The following NCAPD3 variants were observed in gnomAD, a reference collection of about 807,000 sequenced individuals.
The protein encoded by NCAPD3 is condensin-2 complex subunit D3.
In NCAPD3, 105 loss-of-function variants were observed where a neutral mutation model predicts 182.9. That is an observed-to-expected ratio of 0.57 (90% CI 0.49 to 0.68). NCAPD3 has a LOEUF of 0.68. Ranked by LOEUF, NCAPD3 falls within the 30% of genes least tolerant of loss-of-function variation. The pLI is 0.00. For synonymous variants in NCAPD3, 815 were observed against 679.9 expected (o/e 1.20, Z -3.09); for missense variants, 1,944 against 1,837.0 (o/e 1.06, Z -1.07).
In NCAPD3 at chr11:134,223,949, G is replaced by T; in HGVS notation, c.-23C>A. The T allele has an allele frequency of 2.5e-6, 4 of 1,608,602 alleles. No individual in the cohort carries two copies. The highest frequency in any genetic ancestry group is 3.4e-6 in the Non-Finnish European group (4 of 1,178,510). ...CATGATCCCAGGGCACCGGCTCGCC[G>T]CCGCCGTGCTCAACTTTCAAAGCTC... On this transcript the variant is annotated 5_prime_UTR_variant, in exon 1 of 35. Coordinates refer to ENST00000534548, the MANE Select transcript of NCAPD3 (RefSeq NM_015261.3).
intron 13 of NCAPD3, among the ~76,000 whole-genome samples, chr11:134,202,534 C>G (rs977328481): frequency 6.6e-6 from 1 of 151,964 alleles, no homozygotes; most frequent in Non-Finnish European, 1.5e-5. Context: ...CACACCACCA[C>G]GCCCAGCTGA....
chr11:134,178,989 C>G (rs1476852332), intron 20 of NCAPD3, 53 bp from the exon 21 acceptor site: 8 of 1,203,768 alleles, frequency 6.6e-6, no homozygotes, highest in South Asian at 1.3e-5. Flanking sequence ...AAAGTGAACT[C>G]TAGCTAGATT....
rs531995971 is a variant in NCAPD3 at position 134,153,006 on chromosome 11, T to C, written c.4435A>G (p.Lys1479Glu). The C allele has an allele frequency of 4.4e-6, 7 of 1,592,340 alleles. No individual in the cohort carries two copies. In the African/African-American group the frequency reaches 8.1e-5, roughly 18 times the overall value. The change falls in exon 35 of 35, where the codon AAA (lysine) becomes GAA (glutamate). Residue 1479 changes from lysine to glutamate, a missense_variant. Lys to Glu is a moderately conservative substitution (Grantham distance 56). Coordinates refer to ENST00000534548, the MANE Select transcript of NCAPD3 (RefSeq NM_015261.3). ...QWNVRSPARN[K>E]DTPACSRRSL... ...CTCCTGCTGCAGGCTGGAGTGTCTT[T>C]ATTCCTGGCGGGAGACCGCACATTC...
chr11:134,162,415 T>C (rs1943610130), intron 27 of NCAPD3, among the ~76,000 whole-genome samples: 1 of 152,204 alleles, frequency 6.6e-6, no homozygotes, highest in Non-Finnish European at 1.5e-5. Context: ...ATATATATAG[T>C]ACCTGATTTG....
Position 134,209,151 on chromosome 11 carries a change from T to C in NCAPD3, c.788A>G (p.Gln263Arg), listed in dbSNP as rs748514077. Residue 263 changes from glutamine to arginine, a missense_variant, in exon 6 of 35, where the codon CAA becomes CGA. Transcript: ENST00000534548. The stretch of plus-strand genomic sequence containing the variant: ...GGAAGATTTAATGGCTCACCTGGCT[T>C]GTGTAACATGACATTCATGAAGAAC... ...EPVLHECHVT[Q>R]ARALNQAKYI... 6.2e-7 allele frequency: 1 copy of C among 1,613,154 alleles called. No homozygotes were observed. The highest frequency in any genetic ancestry group is 8.5e-7 in the Non-Finnish European group (1 of 1,179,502).
In NCAPD3 at chr11:134,151,634, C is replaced by A. The variant is rs1047438345; in HGVS notation, c.*1310G>T. The A allele has an allele frequency of 6.6e-6, 1 of 152,146 alleles. No homozygotes were observed. The highest frequency in any genetic ancestry group is 1.5e-5 in the Non-Finnish European group (1 of 68,046). 9.4% of individuals were successfully genotyped at this position (152,146 alleles called of 1,614,324 possible). ...TGTGACTCAAGACTCGAGGCCGATA[C>A]GAGGCTGTGATTCTGCCTTTGGATG... is the stretch of plus-strand genomic sequence containing the variant. On this transcript the variant is annotated 3_prime_UTR_variant, in exon 35 of 35. Transcript: ENST00000534548.
At chr11:134,197,351 A>C (rs1436288846) in intron 13 of NCAPD3, among the ~76,000 whole-genome samples, 1 of 139,890 alleles carries the variant, frequency 7.1e-6, no homozygotes, top group Non-Finnish European at 1.5e-5. Context: ...ATATTGGCTC[A>C]CTGCAACCTC....
intron 27 of NCAPD3, among the ~76,000 whole-genome samples, chr11:134,165,261 AGG>A: frequency 7.4e-6 from 1 of 134,914 alleles, no homozygotes; most frequent in East Asian, 2.5e-4. Context: ...AGATAAGCTG[AGG>A]GGGAGCTGCA....
chr11:134,217,189 C>CA (rs1158487708), intron 2 of NCAPD3, 91 bp from the exon 3 acceptor site: 1 of 1,243,928 alleles, frequency 8.0e-7, no homozygotes, highest in Admixed American at 3.1e-5. Context: ...TGGTGCCTTA[C>CA]AAAAAGAGGA....
chr11:134,180,846 T>C (rs1279842491), intron 20 of NCAPD3, among the ~76,000 whole-genome samples: 1 of 152,180 alleles, frequency 6.6e-6, no homozygotes, highest in Non-Finnish European at 1.5e-5. Flanking sequence ...CTCATAAGAC[T>C]GAACTAGATG....
chr11:134,165,156 AGATGAGCTGAGGAGGAGCTGCACACTT>A (rs1943733884), intron 27 of NCAPD3, among the ~76,000 whole-genome samples: 2 of 149,070 alleles, frequency 1.3e-5, no homozygotes, highest in African/African-American at 5.0e-5. Context: ...CTCACTTGTG[AGATGAGCTGAGGAGGAGCTGCACACTT>A]GTGAGATGAG....
intron 3 of NCAPD3, among the ~76,000 whole-genome samples, chr11:134,210,778 A>G (rs1937805496): frequency 6.6e-6 from 1 of 152,206 alleles, no homozygotes; most frequent in Admixed American, 6.5e-5. Flanking sequence ...GCAATCCCTG[A>G]AAAAAGGGAA....
At chr11:134,202,011 T>C (rs1270469141) in intron 13 of NCAPD3, among the ~76,000 whole-genome samples, 4 of 152,208 alleles carry the variant, frequency 2.6e-5, no homozygotes, top group Admixed American at 6.5e-5. Flanking sequence ...GTGTGCACAA[T>C]TGTATATATG....
At position 134,220,958 on chromosome 11, in the gene NCAPD3, G is replaced by A. The variant is rs1938206404; in HGVS notation, c.65-232C>T. ...GCTAATCATCTTCTAAAAATATAAA[G>A]GAGGAAATACTTTTCAGATACAAGA... On this transcript the variant is annotated intron_variant, in intron 1 of 34. Transcript: ENST00000534548. 1.3e-5 allele frequency among the ~76,000 whole-genome samples: 2 copies of A among 152,144 alleles called. 1 individual carries two copies. Among genetic ancestry groups the A allele is most frequent in the South Asian group, 4.1e-4 (2 of 4,826 alleles).
At chr11:134,176,487 AC>A in intron 23 of NCAPD3, 101 bp from the exon 24 acceptor site, 1 of 920,634 alleles carries the variant, frequency 1.1e-6, no homozygotes. Context: ...TCCCCGGCAC[AC>A]TGGCTGAGTG....
chr11:134,163,038 G>A (rs1287167068), intron 27 of NCAPD3, among the ~76,000 whole-genome samples: 4 of 152,110 alleles, frequency 2.6e-5, no homozygotes, highest in Non-Finnish European at 4.4e-5. Context: ...GGGGCAGCTC[G>A]CAACTGAGGT....
chr11:134,164,640 C>T (rs561450991), intron 27 of NCAPD3, among the ~76,000 whole-genome samples: 1 of 145,920 alleles, frequency 6.9e-6, no homozygotes, highest in South Asian at 2.2e-4. Flanking sequence ...CTTGAGGGAG[C>T]CGCATAATCA....
intron 8 of NCAPD3, among the ~76,000 whole-genome samples, chr11:134,205,628 C>T (rs999566981): frequency 4.6e-5 from 7 of 152,094 alleles, no homozygotes; most frequent in South Asian, 4.1e-4. Flanking sequence ...CCGCCCGCCT[C>T]GGCCTCCCAA....
intron 3 of NCAPD3, among the ~76,000 whole-genome samples, chr11:134,213,127 C>T (rs549185244): frequency 1.3e-5 from 2 of 152,186 alleles, no homozygotes; most frequent in Admixed American, 6.5e-5. Context: ...CAAGAGATTG[C>T]GACCAGCCTG....
Sources: gnomAD v4.1 joint callset for allele counts (sites outside exome capture counted in the v4.1 genomes callset) on GRCh38, gnomAD v4.1.1 for gene constraint, MANE v1.5 for transcripts, NCBI Gene and HGNC (gene_info 2026-07-23, HGNC 2026-07-21) for gene names.